HGSNAT: variants seen among roughly 807,000 people sequenced by gnomAD.
HGSNAT encodes the protein heparan-alpha-glucosaminide N-acetyltransferase.
In HGSNAT, 59 loss-of-function variants were observed where a neutral mutation model predicts 85.2. That is an observed-to-expected ratio of 0.69 (90% CI 0.56 to 0.86). HGSNAT has a LOEUF of 0.86. Among genes scored for constraint, HGSNAT ranks in the 40% least tolerant of loss-of-function variants. The pLI, the probability that HGSNAT is intolerant of heterozygous loss-of-function variation, is 0.00. For missense variants in HGSNAT, 756 were observed against 777.1 expected (o/e 0.97, Z 0.32); for synonymous variants, 321 against 304.5 (o/e 1.05, Z -0.56).
At chr8:43,158,520 A>G in intron 2 of HGSNAT, 55 bp from the exon 3 acceptor site, 3 of 1,598,640 alleles carry the variant, frequency 1.9e-6, no homozygotes, top group South Asian at 1.1e-5. Context: ...TCCTCCAGCA[A>G]TCAACAGATG....
At chr8:43,172,269 T>C (rs374716613) in intron 7 of HGSNAT, 41 bp from the exon 8 acceptor site, 4 of 1,432,136 alleles carry the variant, frequency 2.8e-6, no homozygotes, top group East Asian at 4.5e-5. Flanking sequence ...CCTTTTCACA[T>C]AGCAAACCCT....
intron 5 of HGSNAT, among the ~76,000 whole-genome samples, chr8:43,165,670 C>T (rs1803411008): frequency 6.6e-6 from 1 of 152,222 alleles, no homozygotes; most frequent in Non-Finnish European, 1.5e-5. Flanking sequence ...GGCTTAGTGG[C>T]TCACACCTGT....
At chr8:43,196,403 C>T in intron 14 of HGSNAT, 1 of 1,236,808 alleles carries the variant, frequency 8.1e-7, no homozygotes, top group South Asian at 1.3e-5. Flanking sequence ...GCCTCTGGTT[C>T]CACCCTGTCC....
chr8:43,177,813 G>T (rs1188326125), intron 9 of HGSNAT, among the ~76,000 whole-genome samples: 1 of 152,106 alleles, frequency 6.6e-6, no homozygotes, highest in Admixed American at 6.5e-5. Flanking sequence ...CGAAATGGGA[G>T]GGTTGTCTTT....
At chr8:43,184,647 C>A (rs986364116) in intron 11 of HGSNAT, among the ~76,000 whole-genome samples, 4 of 152,156 alleles carry the variant, frequency 2.6e-5, no homozygotes, top group Admixed American at 2.6e-4. Context: ...TTAGTTAGAT[C>A]CCATTTGTCA....
intron 1 of HGSNAT, among the ~76,000 whole-genome samples, chr8:43,140,982 G>C (rs1802507101): frequency 6.6e-6 from 1 of 152,230 alleles, no homozygotes. Context: ...GGCCAGCCGA[G>C]GATCGGGGGG....
At chr8:43,145,352 C>T (rs891933274) in intron 1 of HGSNAT, among the ~76,000 whole-genome samples, 4 of 152,166 alleles carry the variant, frequency 2.6e-5, no homozygotes, top group African/African-American at 9.7e-5. Context: ...TCAATCTCTA[C>T]CCCTTCATCA....
At position 43,161,437 on chromosome 8, in the gene HGSNAT, G is replaced by A; in HGVS notation, c.494-1G>A. 6.2e-7 allele frequency: 1 copy of A among 1,612,236 alleles called. No homozygotes were observed. The highest frequency in any genetic ancestry group is 8.5e-7 in the Non-Finnish European group (1 of 1,178,880). ...TAATGTGTTTTCTTCTCTTTTTCTA[G>A]CTGTGAGCATTGCATTCCTTATTGG... On this transcript the variant is annotated splice_acceptor_variant, in intron 4 of 17. Coordinates refer to ENST00000379644, the MANE Select transcript of HGSNAT (RefSeq NM_152419.3). LOFTEE classifies it high-confidence loss of function.
chr8:43,144,973 A>C (rs1017121945), intron 1 of HGSNAT, among the ~76,000 whole-genome samples: 1 of 152,180 alleles, frequency 6.6e-6, no homozygotes, highest in South Asian at 2.1e-4. Flanking sequence ...AAGTGCTGGC[A>C]TTATGAAGTT....
At chr8:43,152,997 T>C (rs1802967396) in intron 2 of HGSNAT, among the ~76,000 whole-genome samples, 1 of 151,838 alleles carries the variant, frequency 6.6e-6, no homozygotes, top group Admixed American at 6.6e-5. Flanking sequence ...GTATTGTGGG[T>C]TATTGTTAAG....
At chr8:43,145,353 C>G (rs1802678611) in intron 1 of HGSNAT, among the ~76,000 whole-genome samples, 1 of 152,106 alleles carries the variant, frequency 6.6e-6, no homozygotes, top group Admixed American at 6.6e-5. Context: ...CAATCTCTAC[C>G]CCTTCATCAC....
intron 11 of HGSNAT, among the ~76,000 whole-genome samples, chr8:43,186,533 C>T (rs201911760): frequency 6.6e-6 from 1 of 151,752 alleles, no homozygotes; most frequent in Non-Finnish European, 1.5e-5. Flanking sequence ...TCTCCCTTTT[C>T]TTCTTTATTA....
intron 1 of HGSNAT, among the ~76,000 whole-genome samples, chr8:43,141,067 C>T (rs1586690993): frequency 1.3e-5 from 2 of 152,216 alleles, no homozygotes; most frequent in East Asian, 1.9e-4. Context: ...GGGCCTCGCC[C>T]CCGAGGACGT....
At chr8:43,190,983 T>A (rs1047926001) in intron 11 of HGSNAT, among the ~76,000 whole-genome samples, 1 of 152,216 alleles carries the variant, frequency 6.6e-6, no homozygotes, top group Non-Finnish European at 1.5e-5. Context: ...CTCTAGACAG[T>A]CCGTATACAT....
chr8:43,142,129 C>T (rs931062722), intron 1 of HGSNAT, among the ~76,000 whole-genome samples: 6 of 151,596 alleles, frequency 4.0e-5, no homozygotes, highest in Non-Finnish European at 8.8e-5. Context: ...AGATAACTCA[C>T]GAGCAGAGAG....
chr8:43,152,218 T>G lies in HGSNAT; in HGVS notation c.234+5155T>G, dbSNP rs141635734. Reference sequence around the variant, plus strand: ...AGGCAGGAGAATCACTTGAACCTGGTAGGCGGAGGTTGTAGTGAGCTGAGA... The same window carrying G: ...AGGCAGGAGAATCACTTGAACCTGGGAGGCGGAGGTTGTAGTGAGCTGAGA... On this transcript the variant is annotated intron_variant, in intron 2 of 17. Coordinates refer to ENST00000379644, the MANE Select transcript of HGSNAT (RefSeq NM_152419.3). Among the ~76,000 whole-genome samples, 1,489 of 152,020 alleles carry G rather than the reference T, an allele frequency of 9.8e-3. 26 individuals carry two copies. The highest frequency in any genetic ancestry group is 0.033 in the African/African-American group (1,378 of 41,474).
intron 11 of HGSNAT, among the ~76,000 whole-genome samples, chr8:43,186,577 T>G (rs1285929572): frequency 1.3e-5 from 2 of 152,210 alleles, no homozygotes; most frequent in Admixed American, 1.3e-4. Context: ...TTGTTGATCT[T>G]TTAAAAAAAC....
chr8:43,200,778 CT>C lies in HGSNAT; in HGVS notation c.*1211del. ...GCCACAGGGTTGTGCTGTACCCACCCTTCCCCGGCGAGATGGCCCTCGGCCT... is the reference window on the plus strand; with the variant it reads ...GCCACAGGGTTGTGCTGTACCCACCCTCCCCGGCGAGATGGCCCTCGGCCT... On this transcript the variant is annotated 3_prime_UTR_variant, in exon 18 of 18. Coordinates refer to ENST00000379644, the MANE Select transcript of HGSNAT (RefSeq NM_152419.3). The C allele has an allele frequency of 6.6e-6, 1 of 152,598 alleles. No homozygotes were observed. The highest frequency in any genetic ancestry group is 1.5e-5 in the Non-Finnish European group (1 of 68,196). The allele number at this position is 152,598 out of a possible 1,614,324, so 9.5% of individuals were successfully genotyped here. A position where few individuals can be genotyped will look rare whatever the true frequency, so the allele number is the denominator to read the frequency against.
chr8:43,149,837 A>G (rs1455184571), intron 2 of HGSNAT, among the ~76,000 whole-genome samples: 1 of 152,214 alleles, frequency 6.6e-6, no homozygotes, highest in African/African-American at 2.4e-5. Context: ...ATGGAAGGAT[A>G]TCTTTAAGAT....
Sources: allele counts gnomAD v4.1 joint callset (sites outside exome capture counted in the v4.1 genomes callset), GRCh38; gene constraint gnomAD v4.1.1; transcripts MANE v1.5; gene names NCBI Gene and HGNC (gene_info 2026-07-23, HGNC 2026-07-21).